Variants in KCNQ1 observed in about 807,000 individuals in gnomAD.
KCNQ1 encodes potassium voltage-gated channel subfamily KQT member 1.
KCNQ1 carries 49 observed loss-of-function variants against 72.4 expected under a neutral mutation model. The ratio of observed to expected loss-of-function variants is 0.68; its 90% CI spans 0.54 to 0.86. The LOEUF (loss-of-function observed/expected upper bound fraction) is 0.86, where lower values mean the gene tolerates loss of function less well. KCNQ1 is among the 40% of genes least tolerant of loss of function. The probability of loss-of-function intolerance (pLI) is 0.00; values close to 1 mark genes in which losing one functional copy is unlikely to be tolerated. For missense variants in KCNQ1, 790 were observed against 945.1 expected, an observed-to-expected ratio of 0.84 and a Z score of 2.15; for synonymous variants, 450 against 412.6, an observed-to-expected ratio of 1.09 and a Z score of -1.10.
Position 2,691,439 on chromosome 11 carries a change from C to G in KCNQ1, c.1514+29358C>G. 2 of 398,616 alleles carry G rather than the reference C, an allele frequency of 5.0e-6. No individual in the cohort carries two copies. The highest frequency in any genetic ancestry group is 8.8e-6 in the Non-Finnish European group (2 of 226,074). The allele number at this position is 398,616 out of a possible 1,614,324, so 24.7% of individuals were successfully genotyped here. On this transcript the variant is annotated intron_variant, in intron 11 of 15. Transcript: ENST00000155840. This position sits in a 1 kb window ranked among gnomAD's most constrained non-coding sequence, Gnocchi z 6.4. ...GGGGAGTCCACTGAAGCTCCCTGCC[C>G]CCACTGAGTCTCTGATGTTGACAGC...
intron 15 of KCNQ1, among the ~76,000 whole-genome samples, chr11:2,823,221 A>G (rs1323062276): frequency 6.6e-6 from 1 of 152,242 alleles, no homozygotes; most frequent in Non-Finnish European, 1.5e-5. Context: ...TGATTTTCCA[A>G]ACATGGGCCT....
chr11:2,586,827 C>A (rs1298934105), intron 8 of KCNQ1, among the ~76,000 whole-genome samples: 1 of 152,152 alleles, frequency 6.6e-6, no homozygotes, highest in East Asian at 1.9e-4. Context: ...CTCTCTCAGG[C>A]TCATGTGGCC....
rs1849021045 is a variant in KCNQ1, at chr11:2,614,000, T to C, written c.1393+25146T>C. ...CATCCATTCACAGAGATCTTTCTCATTGCATTGCTAAAGTTGCATAGTATT... is the reference window on the plus strand; with the variant it reads ...CATCCATTCACAGAGATCTTTCTCACTGCATTGCTAAAGTTGCATAGTATT... On this transcript the variant is annotated intron_variant, in intron 10 of 15. Coordinates refer to ENST00000155840, the MANE Select transcript of KCNQ1 (RefSeq NM_000218.3). This position sits in a 1 kb window ranked among gnomAD's most constrained non-coding sequence, Gnocchi z 4.8. The C allele has an allele frequency of 1.3e-5, 5 of 398,502 alleles. No homozygotes were observed. The highest frequency in any genetic ancestry group is 1.3e-5 in the Non-Finnish European group (3 of 226,064). 24.7% of individuals were successfully genotyped at this position (398,502 alleles called of 1,614,324 possible).
chr11:2,775,897 C>T (rs900948812), intron 12 of KCNQ1, 63 bp from the exon 13 acceptor site: 1 of 1,491,310 alleles, frequency 6.7e-7, no homozygotes, highest in Non-Finnish European at 9.2e-7. Context: ...TCACTGCCTG[C>T]ACTTTGAGCC....
intron 11 of KCNQ1, among the ~76,000 whole-genome samples, chr11:2,755,569 CT>C (rs1846286435): frequency 6.6e-6 from 1 of 152,208 alleles, no homozygotes; most frequent in Admixed American, 6.5e-5. Flanking sequence ...AGGGCCTTCA[CT>C]TTTAAAGACT....
rs890436546 is a variant in KCNQ1, at chr11:2,687,247, A to G, written c.1514+25166A>G. On this transcript the variant is annotated intron_variant, in intron 11 of 15. Transcript: ENST00000155840. This position sits in a 1 kb window ranked among gnomAD's most constrained non-coding sequence, Gnocchi z 5.0. ...CAATTTTCACTCAGCCAGCATCACT[A>G]CCAGCTCCGGGCTTCTCTCCTCTGG... is the stretch of plus-strand genomic sequence containing the variant. 8 of 398,624 alleles carry G rather than the reference A, an allele frequency of 2.0e-5. No homozygotes were observed. In the South Asian group the frequency reaches 6.4e-4, roughly 32 times the overall value. The allele number at this position is 398,624 out of a possible 1,614,324, so 24.7% of individuals were successfully genotyped here. A position where few individuals can be genotyped will look rare whatever the true frequency, so the allele number is the denominator to read the frequency against.
At chr11:2,832,603 G>C (rs1201238212) in intron 15 of KCNQ1, among the ~76,000 whole-genome samples, 1 of 152,200 alleles carries the variant, frequency 6.6e-6, no homozygotes, top group Non-Finnish European at 1.5e-5. Flanking sequence ...CAAGCACCCT[G>C]CTGCCTGGGA....
intron 10 of KCNQ1, chr11:2,614,941 G>A (rs955595679): frequency 1.3e-5 from 5 of 398,192 alleles, no homozygotes; most frequent in African/African-American, 1.0e-4. Flanking sequence ...AAGGCCCTTG[G>A]GATTTTGATA....
intron 11 of KCNQ1, among the ~76,000 whole-genome samples, chr11:2,739,334 G>GA (rs1368483552): frequency 2.0e-5 from 3 of 152,186 alleles, no homozygotes; most frequent in Non-Finnish European, 4.4e-5. Context: ...GCAGGCCCGA[G>GA]ATTGCCTGAG....
chr11:2,659,362 C>A lies in KCNQ1; in HGVS notation c.1394-2599C>A, dbSNP rs1023162391. 2 of 398,552 alleles carry A rather than the reference C, an allele frequency of 5.0e-6. No homozygotes were observed. The highest frequency in any genetic ancestry group is 3.6e-5 in the East Asian group (1 of 28,070). The allele number at this position is 398,552 out of a possible 1,614,324, so 24.7% of individuals were successfully genotyped here. ...TAAATGGGATCCTATAATATGTATT[C>A]TTTTGCATCTGGCTTCTTTCACTGC... is the stretch of plus-strand genomic sequence containing the variant. On this transcript the variant is annotated intron_variant, in intron 10 of 15. Transcript: ENST00000155840. This position sits in a 1 kb window ranked among gnomAD's most constrained non-coding sequence, Gnocchi z 4.3.
At chr11:2,655,479 C>T in intron 10 of KCNQ1, 1 of 398,680 alleles carries the variant, frequency 2.5e-6, no homozygotes, top group Non-Finnish European at 4.4e-6. Context: ...GTACCTCCTG[C>T]AGAGCCTGGA....
intron 1 of KCNQ1, among the ~76,000 whole-genome samples, chr11:2,474,534 C>T (rs1846543148): frequency 6.6e-6 from 1 of 152,228 alleles, no homozygotes; most frequent in Non-Finnish European, 1.5e-5. Context: ...AGGCTCAGCA[C>T]AGGTGGCTTT....
At position 2,451,451 on chromosome 11, in the gene KCNQ1, C is replaced by G. The variant is rs561112563; in HGVS notation, c.386+5967C>G. 3.9e-5 allele frequency among the ~76,000 whole-genome samples: 6 copies of G among 152,150 alleles called. No individual in the cohort carries two copies. The highest frequency in any genetic ancestry group is 7.3e-5 in the Non-Finnish European group (5 of 68,032). On this transcript the variant is annotated intron_variant, in intron 1 of 15. Coordinates refer to ENST00000155840, the MANE Select transcript of KCNQ1 (RefSeq NM_000218.3). This position sits in a 1 kb window ranked among gnomAD's most constrained non-coding sequence, Gnocchi z 6.4. ...GGCCACGGACCCGGGGTTGGAGAACCCTGTCTTAGAGGATTGAGGCTCGGG... is the reference window on the plus strand; with the variant it reads ...GGCCACGGACCCGGGGTTGGAGAACGCTGTCTTAGAGGATTGAGGCTCGGG...
Position 2,829,137 on chromosome 11 carries a change from A to T in KCNQ1, c.1795-18630A>T, listed in dbSNP as rs372668453. ...TTACTTGAGGACGTGCTCTAGCAAA[A>T]TGAGAGGAAAAAACAAAGAAAGAGA... On this transcript the variant is annotated intron_variant, in intron 15 of 15. Transcript: ENST00000155840. 6.6e-5 allele frequency among the ~76,000 whole-genome samples: 10 copies of T among 152,340 alleles called. No homozygotes were observed. In the South Asian group the frequency reaches 8.3e-4, roughly 13 times the overall value.
At chr11:2,459,480 G>C (rs1846242941) in intron 1 of KCNQ1, among the ~76,000 whole-genome samples, 1 of 152,158 alleles carries the variant, frequency 6.6e-6, no homozygotes, top group Admixed American at 6.5e-5. Flanking sequence ...GCGGGTCTGA[G>C]ACAGCTCTGG....
intron 10 of KCNQ1, chr11:2,632,018 TA>T (rs1192075953): frequency 4.8e-5 from 19 of 395,692 alleles, no homozygotes; most frequent in Middle Eastern, 6.3e-4. Context: ...CCATCTCTAC[TA>T]AAAATACAAA....
At position 2,642,049 on chromosome 11, in the gene KCNQ1, C is replaced by T. The variant is rs1849588214; in HGVS notation, c.1394-19912C>T. ...TATAGCCTTATATTTTTAAATCAGG[C>T]AGTGTGATGCATCCAACTTTGTTAT... On this transcript the variant is annotated intron_variant, in intron 10 of 15. Transcript: ENST00000155840. This position sits in a 1 kb window ranked among gnomAD's most constrained non-coding sequence, Gnocchi z 4.3. The T allele has an allele frequency of 5.0e-6, 2 of 398,194 alleles. No homozygotes were observed. The highest frequency in any genetic ancestry group is 8.9e-6 in the Non-Finnish European group (2 of 225,888). 24.7% of individuals were successfully genotyped at this position (398,194 alleles called of 1,614,324 possible). A position where few individuals can be genotyped will look rare whatever the true frequency, so the allele number is the denominator to read the frequency against.
chr11:2,736,446 G>A (rs1270072163), intron 11 of KCNQ1, among the ~76,000 whole-genome samples: 1 of 152,174 alleles, frequency 6.6e-6, no homozygotes, highest in African/African-American at 2.4e-5. Context: ...GCTTGGGAGA[G>A]CCTGAGGGGC....
chr11:2,446,603 G>T lies in KCNQ1; in HGVS notation c.386+1119G>T, dbSNP rs375589316. ...CAGGCCCCAAATGGCTTCAAGCATC[G>T]TCTCAGGTGAGGGGGTGGGGTAGGG... On this transcript the variant is annotated intron_variant, in intron 1 of 15. Coordinates refer to ENST00000155840, the MANE Select transcript of KCNQ1 (RefSeq NM_000218.3). The surrounding 1 kb of genome is among the most constrained non-coding windows in gnomAD (Gnocchi z 8.8). Among the ~76,000 whole-genome samples, 89 of 152,320 alleles carry T rather than the reference G, an allele frequency of 5.8e-4. No homozygotes were observed. The highest frequency in any genetic ancestry group is 2.0e-3 in the African/African-American group (85 of 41,572).
Sources: gnomAD v4.1 joint callset for allele counts (sites outside exome capture counted in the v4.1 genomes callset) on GRCh38, gnomAD v4.1.1 for gene constraint, Gnocchi (gnomAD v3.1) non-coding constraint, MANE v1.5 for transcripts, NCBI Gene and HGNC (gene_info 2026-07-23, HGNC 2026-07-21) for gene names.